Variants in CFAP46 observed in about 807,000 individuals in gnomAD.
CFAP46 encodes the protein cilia- and flagella-associated protein 46.
In CFAP46, 245 loss-of-function variants were observed where a neutral mutation model predicts 325.7. The observed-to-expected ratio is 0.75, with a 90% CI of 0.68 to 0.84. The LOEUF is 0.84. Among genes scored for constraint, CFAP46 ranks in the 40% least tolerant of loss-of-function variants. CFAP46 has a pLI of 0.00. For missense variants in CFAP46, 3,346 were observed against 3,543.0 expected (o/e 0.94, Z 1.41); for synonymous variants, 1,523 against 1,495.9 (o/e 1.02, Z -0.42).
In CFAP46 at chr10:132,919,388, G is replaced by A. The variant is rs780131996; in HGVS notation, c.1785C>T (p.Asp595=). 70 of 1,549,942 alleles carry A rather than the reference G, an allele frequency of 4.5e-5. No individual in the cohort carries two copies. Among genetic ancestry groups the A allele is most frequent in the African/African-American group, 6.8e-5 (5 of 73,000 alleles). The part of the protein sequence containing the change: ...AKVARKQGVW[D]VCRTASRFCL... The stretch of plus-strand genomic sequence containing the variant: ...AGAAGCGGCTCGCCGTCCGACAGAC[G>A]TCCCACACGCCTTGTTTCCGGGCCA... Residue 595 remains aspartate, a synonymous_variant, in exon 15 of 58, where the codon GAC becomes GAT. Transcript: ENST00000368586. The surrounding 1 kb of genome is among the most constrained non-coding windows in gnomAD (Gnocchi z 9.7).
chr10:132,905,116 T>C (rs1005795418), intron 22 of CFAP46, among the ~76,000 whole-genome samples: 1 of 151,982 alleles, frequency 6.6e-6, no homozygotes, highest in Non-Finnish European at 1.5e-5. Context: ...TTTCCTTCAC[T>C]TTTGTATTGT....
In CFAP46 at chr10:132,832,446, C is replaced by T. The variant is rs906128182; in HGVS notation, c.7117+912G>A. On this transcript the variant is annotated intron_variant, in intron 50 of 57. Coordinates refer to ENST00000368586, the MANE Select transcript of CFAP46 (RefSeq NM_001200049.3). The surrounding 1 kb of genome is among the most constrained non-coding windows in gnomAD (Gnocchi z 4.1). ...CCCCAGAGAGTAAGACCTGGGTGGG[C>T]CATGGCGCTCGCCAGCCAAACCCCC... Among the ~76,000 whole-genome samples the T allele has an allele frequency of 4.9e-5, 7 of 142,450 alleles. No homozygotes were observed. The highest frequency in any genetic ancestry group is 2.4e-4 in the South Asian group (1 of 4,116). 93.5% of individuals were successfully genotyped at this position (142,450 alleles called of 152,430 possible).
intron 44 of CFAP46, among the ~76,000 whole-genome samples, chr10:132,843,877 C>T (rs1249946408): frequency 9.6e-6 from 1 of 104,606 alleles, no homozygotes; most frequent in Non-Finnish European, 1.9e-5. Context: ...GCTCTGGTCT[C>T]GGTGGGTGTT....
intron 50 of CFAP46, among the ~76,000 whole-genome samples, chr10:132,830,434 G>A (rs1287780559): frequency 6.6e-6 from 1 of 152,192 alleles, no homozygotes; most frequent in African/African-American, 2.4e-5. Flanking sequence ...GAGCCACCGC[G>A]CCCAGCCAAG....
chr10:132,892,730 G>A (rs7097501), intron 24 of CFAP46, among the ~76,000 whole-genome samples: 41,640 of 152,094 alleles, frequency 0.27, 7,213 homozygotes, highest in Admixed American at 0.46. Flanking sequence ...CACGTTCAGC[G>A]CCGCTTGAAT....
intron 17 of CFAP46, among the ~76,000 whole-genome samples, chr10:132,914,093 G>A (rs1176544288): frequency 6.6e-5 from 7 of 106,706 alleles, no homozygotes; most frequent in East Asian, 2.9e-4. Context: ...ACTGCACCCC[G>A]GCCCGAGGCT....
chr10:132,878,274 G>C (rs550550759), intron 29 of CFAP46, among the ~76,000 whole-genome samples, 187 bp from the exon 30 acceptor site: 4 of 152,188 alleles, frequency 2.6e-5, no homozygotes, highest in Non-Finnish European at 4.4e-5. Context: ...GGGCTGGCCC[G>C]GGGTGTGGGC....
At chr10:132,854,323 G>GTGTTTTGTTTTGTTTTGTTTTGTTT (rs59344968) in intron 39 of CFAP46, among the ~76,000 whole-genome samples, 3 of 151,072 alleles carry the variant, frequency 2.0e-5, no homozygotes, top group Non-Finnish European at 4.4e-5. Context: ...ATAGCTTTCT[G>GTGTTTTGTTTTGTTTTGTTTTGTTT]TGTTTTGTTT....
In CFAP46 at chr10:132,898,965, T is replaced by C. The variant is rs1564794175; in HGVS notation, c.3213A>G (p.Arg1071=). 6.4e-7 allele frequency: 1 copy of C among 1,550,562 alleles called. No individual in the cohort carries two copies. The change falls in exon 24 of 58, where the codon AGA becomes AGG. Residue 1071 remains arginine, a synonymous_variant. Transcript: ENST00000368586. ...LIGIINKTEA[R]KQEKGKTLLL... is the part of the protein sequence containing the mutation. ...CCCTCCAGGGCTGGTGCACCTGCTT[T>C]CTGGCCTCTGTCTTGTTGATGATGC...
intron 8 of CFAP46, among the ~76,000 whole-genome samples, chr10:132,933,731 G>A (rs1332166022): frequency 2.0e-5 from 3 of 152,342 alleles, no homozygotes; most frequent in East Asian, 1.9e-4. Context: ...ATGAGACCAC[G>A]AACGTGCTGG....
At chr10:132,909,032 G>A in intron 21 of CFAP46, 105 bp downstream of exon 21, 2 of 763,032 alleles carry the variant, frequency 2.6e-6, no homozygotes, top group East Asian at 2.7e-5. Context: ...GGCAGAGTGG[G>A]GGTGAGCATG....
At chr10:132,821,608 T>TGC (rs1847832357) in intron 50 of CFAP46, among the ~76,000 whole-genome samples, 1 of 129,956 alleles carries the variant, frequency 7.7e-6, no homozygotes, top group Non-Finnish European at 1.6e-5. Context: ...GTGCTGTGTG[T>TGC]GCGCTGATGT....
Position 132,836,173 on chromosome 10 carries a change from A to C in CFAP46, c.6582T>G (p.Thr2194=). The change falls in exon 46 of 58, where the codon ACT becomes ACG. Residue 2194 remains threonine, a synonymous_variant. Transcript: ENST00000368586. ...GAAYEKPKFI[T]AAKGKVQAVG... ...CCGCCTGCACCTTTCCTTTGGCTGC[A>C]GTAATGAACTTGGGTTTCTCGTAGG... 1 of 1,607,950 alleles carries C rather than the reference A, an allele frequency of 6.2e-7. No homozygotes were observed.
chr10:132,908,766 C>CA, intron 21 of CFAP46, 132 bp from the exon 22 acceptor site: 2 of 1,196,042 alleles, frequency 1.7e-6, no homozygotes, highest in Non-Finnish European at 2.3e-6. Context: ...CACCGTGCCA[C>CA]AAAAGCTGAG....
At position 132,814,755 on chromosome 10, in the gene CFAP46, A is replaced by G; in HGVS notation, c.7189-9T>C. On this transcript the variant is annotated splice_polypyrimidine_tract_variant and intron_variant, in intron 51 of 57. Transcript: ENST00000368586. ...GTCCGGGGGATGCTGCCCTGCAACC[A>G]CAGACCAGGGTCAGCAGGTGCAGGG... 1.9e-6 allele frequency: 3 copies of G among 1,613,758 alleles called. No individual in the cohort carries two copies. The highest frequency in any genetic ancestry group is 1.7e-6 in the Non-Finnish European group (2 of 1,179,800).
chr10:132,845,733 G>C (rs955101114), intron 44 of CFAP46, among the ~76,000 whole-genome samples: 6 of 152,232 alleles, frequency 3.9e-5, no homozygotes, highest in Non-Finnish European at 8.8e-5. Flanking sequence ...ATGCAGCTCC[G>C]ATCCACATGA....
chr10:132,915,627 C>T (rs191240796), intron 17 of CFAP46, among the ~76,000 whole-genome samples: 19 of 151,280 alleles, frequency 1.3e-4, no homozygotes, highest in Admixed American at 3.9e-4. Context: ...CCCGAGGGAC[C>T]GGCGAGGGCG....
intron 4 of CFAP46, 73 bp from the exon 5 acceptor site, chr10:132,938,826 GC>G: frequency 6.9e-7 from 1 of 1,454,798 alleles, no homozygotes; most frequent in Non-Finnish European, 9.4e-7. Context: ...CCAAGGGGCC[GC>G]TGTGTCTCCG....
rs749037023 is a variant in CFAP46 at position 132,916,429 on chromosome 10, G to T, written c.2120+120C>A. ...ACGTGACGATGGACACGTCCCCCACGCAAGAAGCCGGTGTCCTTACGAATG... is the reference window on the plus strand; with the variant it reads ...ACGTGACGATGGACACGTCCCCCACTCAAGAAGCCGGTGTCCTTACGAATG... On this transcript the variant is annotated intron_variant, in intron 17 of 57. Coordinates refer to ENST00000368586, the MANE Select transcript of CFAP46 (RefSeq NM_001200049.3). 4.5e-6 allele frequency: 5 copies of T among 1,119,958 alleles called. No homozygotes were observed. The Admixed American group carries it at 1.7e-4, about 38-fold the overall frequency. The allele number at this position is 1,119,958 out of a possible 1,614,324, so 69.4% of individuals were successfully genotyped here.
Sources: allele counts gnomAD v4.1 joint callset (sites outside exome capture counted in the v4.1 genomes callset), GRCh38; gene constraint gnomAD v4.1.1; non-coding constraint Gnocchi (gnomAD v3.1); transcripts MANE v1.5; gene names NCBI Gene and HGNC (gene_info 2026-07-23, HGNC 2026-07-21).